Variants in RAB19 observed in about 807,000 individuals in gnomAD.
The protein encoded by RAB19 is RAB19, member RAS oncogene family, also known as ras-related protein Rab-19.
In RAB19, 21 loss-of-function variants were observed where a neutral mutation model predicts 17.3. That is an observed-to-expected ratio of 1.21 (90% CI 0.86 to 1.74). The LOEUF (loss-of-function observed/expected upper bound fraction) is 1.74, where lower values mean the gene tolerates loss of function less well. Ranked by LOEUF, RAB19 falls within the 40% of genes most tolerant of loss-of-function variation. The probability of loss-of-function intolerance (pLI) is 0.00; values close to 1 mark genes in which losing one functional copy is unlikely to be tolerated. For missense variants in RAB19, 277 were observed against 286.8 expected (o/e 0.97, Z 0.25); for synonymous variants, 126 against 110.4 (o/e 1.14, Z -0.88).
At chr7:140,408,534 A>G (rs1799292165) in intron 2 of RAB19, among the ~76,000 whole-genome samples, 1 of 151,824 alleles carries the variant, frequency 6.6e-6, no homozygotes, top group Non-Finnish European at 1.5e-5. Flanking sequence ...GGAGTGCAGG[A>G]GCACAGTTTC....
chr7:140,405,499 G>T lies in RAB19; in HGVS notation c.-24+1282G>T, dbSNP rs1799219861. On this transcript the variant is annotated intron_variant, in intron 1 of 3. Coordinates refer to ENST00000537763, the MANE Select transcript of RAB19 (RefSeq NM_001008749.3). ...AGCCTCCCAAATTGCTTGGATTACA[G>T]GTGTGAGCCACTGCCCCTGGCCTAT... Among the ~76,000 whole-genome samples, 4 of 152,062 alleles carry T rather than the reference G, an allele frequency of 2.6e-5. No individual in the cohort carries two copies. The South Asian group carries it at 8.3e-4, about 32-fold the overall frequency.
intron 2 of RAB19, among the ~76,000 whole-genome samples, chr7:140,409,974 C>G (rs953713618): frequency 9.1e-6 from 1 of 109,536 alleles, no homozygotes; most frequent in Non-Finnish European, 1.7e-5. Context: ...GCCTGGGCAA[C>G]AGAGCGAGAC....
At chr7:140,419,997 T>A (rs1799528854) in intron 3 of RAB19, among the ~76,000 whole-genome samples, 1 of 152,194 alleles carries the variant, frequency 6.6e-6, no homozygotes, top group African/African-American at 2.4e-5. Context: ...TCTTGTCAAT[T>A]CCTAACAGTA....
rs977110758 is a variant in RAB19 at position 140,404,222 on chromosome 7, G to C, written c.-24+5G>C. 16 of 152,448 alleles carry C rather than the reference G, an allele frequency of 1.0e-4. No homozygotes were observed. Among genetic ancestry groups the C allele is most frequent in the African/African-American group, 3.9e-4 (16 of 41,458 alleles). 9.4% of individuals were successfully genotyped at this position (152,448 alleles called of 1,614,324 possible). ...AGAGGTGAGAGAGCGAGACAGGTAA[G>C]CGACAGGTGAACCAGGAAGGCGAAG... On this transcript the variant is annotated splice_donor_5th_base_variant and intron_variant, in intron 1 of 3. Coordinates refer to ENST00000537763, the MANE Select transcript of RAB19 (RefSeq NM_001008749.3).
chr7:140,414,233 G>T (rs887463791), intron 3 of RAB19, among the ~76,000 whole-genome samples: 2 of 152,060 alleles, frequency 1.3e-5, no homozygotes, highest in African/African-American at 4.8e-5. Flanking sequence ...GTAGAGACAG[G>T]ATTTCACCAT....
chr7:140,417,560 C>G (rs1174756091), intron 3 of RAB19, among the ~76,000 whole-genome samples: 4 of 152,160 alleles, frequency 2.6e-5, no homozygotes, highest in Admixed American at 6.5e-5. Context: ...GAGCTTCAGG[C>G]TCACCAGCTA....
intron 3 of RAB19, among the ~76,000 whole-genome samples, chr7:140,413,795 G>T (rs1173976523): frequency 6.6e-6 from 1 of 152,166 alleles, no homozygotes. Flanking sequence ...AACGGCCGGG[G>T]TGGACAGGTA....
intron 3 of RAB19, among the ~76,000 whole-genome samples, chr7:140,417,160 T>A (rs1286288812): frequency 4.8e-5 from 7 of 147,192 alleles, no homozygotes; most frequent in Non-Finnish European, 8.9e-5. Flanking sequence ...CACTTGAACC[T>A]AGGAGGCAGA....
chr7:140,412,189 C>G (rs544082053), intron 3 of RAB19, 132 bp downstream of exon 3: 2 of 939,922 alleles, frequency 2.1e-6, no homozygotes, highest in Admixed American at 2.0e-5. Context: ...CAGTGGCTCA[C>G]ACCTGTAATC....
chr7:140,415,143 C>T (rs1481663204), intron 3 of RAB19, among the ~76,000 whole-genome samples: 1 of 151,296 alleles, frequency 6.6e-6, no homozygotes, highest in African/African-American at 2.4e-5. Context: ...AGTGCAATCT[C>T]GGCTCACTGC....
chr7:140,411,958 G>C lies in RAB19; in HGVS notation c.286G>C (p.Ala96Pro). Residue 96 changes from alanine to proline, a missense_variant, in exon 3 of 4, where the codon GCC becomes CCC. Coordinates refer to ENST00000537763, the MANE Select transcript of RAB19 (RefSeq NM_001008749.3). The stretch of plus-strand genomic sequence containing the variant: ...CCGCAGTGCCCACGCAGCCATCATC[G>C]CCTATGACCTCACCCGGCGGTCCAC... ...YYRSAHAAIIAYDLTRRSTFE... is the reference protein window; with the variant it reads ...YYRSAHAAIIPYDLTRRSTFE... The C allele has an allele frequency of 6.2e-7, 1 of 1,614,142 alleles. No individual in the cohort carries two copies. Among genetic ancestry groups the C allele is most frequent in the Non-Finnish European group, 8.5e-7 (1 of 1,180,036 alleles).
intron 3 of RAB19, among the ~76,000 whole-genome samples, chr7:140,415,504 G>A (rs944507219): frequency 6.6e-6 from 1 of 152,062 alleles, no homozygotes; most frequent in Non-Finnish European, 1.5e-5. Context: ...AACCCTCAGG[G>A]CCAAATATTT....
At chr7:140,408,700 T>G (rs1476282774) in intron 2 of RAB19, among the ~76,000 whole-genome samples, 1 of 152,030 alleles carries the variant, frequency 6.6e-6, no homozygotes, top group African/African-American at 2.4e-5. Flanking sequence ...GGTCTCGAAC[T>G]CCTGACCTCA....
intron 3 of RAB19, among the ~76,000 whole-genome samples, chr7:140,424,661 G>GTA (rs1563075625): frequency 2.5e-5 from 3 of 119,574 alleles, no homozygotes; most frequent in African/African-American, 1.0e-4. Flanking sequence ...ATATATGTGT[G>GTA]TGTATATATA....
chr7:140,419,820 C>T (rs1348576641), intron 3 of RAB19, among the ~76,000 whole-genome samples: 1 of 152,146 alleles, frequency 6.6e-6, no homozygotes, highest in African/African-American at 2.4e-5. Flanking sequence ...CTTTTACTTC[C>T]ATGCATCCTG....
intron 2 of RAB19, among the ~76,000 whole-genome samples, chr7:140,410,313 C>T (rs373274072): frequency 1.0e-3 from 82 of 80,990 alleles, no homozygotes; most frequent in South Asian, 2.5e-3. Context: ...TTGTATTTTT[C>T]TTTTTTTTTT....
In RAB19 at chr7:140,426,278, T is replaced by C; in HGVS notation, c.*128T>C. The C allele has an allele frequency of 2.8e-6, 3 of 1,088,250 alleles. No individual in the cohort carries two copies. The South Asian group carries it at 5.0e-5, about 18-fold the overall frequency. 67.4% of individuals were successfully genotyped at this position (1,088,250 alleles called of 1,614,324 possible). The stretch of plus-strand genomic sequence containing the variant: ...TGGACTTGCCGCTCACCCCTAATCC[T>C]CCCAGTCTGGATGGGCCACACTTCT... On this transcript the variant is annotated 3_prime_UTR_variant, in exon 4 of 4. Coordinates refer to ENST00000537763, the MANE Select transcript of RAB19 (RefSeq NM_001008749.3).
chr7:140,421,752 G>A (rs115288885), intron 3 of RAB19, among the ~76,000 whole-genome samples: 26 of 151,942 alleles, frequency 1.7e-4, no homozygotes, highest in Non-Finnish European at 4.4e-5. Context: ...CTCTTGCCTC[G>A]GCTTCCCAAA....
At chr7:140,414,406 C>G (rs140150173) in intron 3 of RAB19, among the ~76,000 whole-genome samples, 1 of 152,294 alleles carries the variant, frequency 6.6e-6, no homozygotes, top group Non-Finnish European at 1.5e-5. Context: ...TGCCTCTCCC[C>G]CAGCCAGCTC....
Sources: allele counts gnomAD v4.1 joint callset (sites outside exome capture counted in the v4.1 genomes callset), GRCh38; gene constraint gnomAD v4.1.1; transcripts MANE v1.5; gene names NCBI Gene and HGNC (gene_info 2026-07-23, HGNC 2026-07-21).